The following PRKG1 variants were observed in gnomAD, a reference collection of about 807,000 sequenced individuals.
PRKG1 encodes the protein protein kinase cGMP-dependent 1.
A neutral mutation model predicts 88.1 loss-of-function variants in PRKG1; 35 were observed. The observed-to-expected ratio is 0.40, with a 90% CI of 0.30 to 0.53. PRKG1 has a LOEUF of 0.53. Ranked by LOEUF, PRKG1 falls within the 20% of genes least tolerant of loss-of-function variation. The pLI is 0.59. For synonymous variants in PRKG1, 303 were observed against 292.5 expected, an observed-to-expected ratio of 1.04 and a Z score of -0.37; for missense variants, 540 against 839.8, an observed-to-expected ratio of 0.64 and a Z score of 4.41.
intron 9 of PRKG1, among the ~76,000 whole-genome samples, chr10:52,168,318 A>G (rs542772773): frequency 2.6e-5 from 4 of 152,308 alleles, no homozygotes; most frequent in East Asian, 3.9e-4. Flanking sequence ...GCAAGGAGGT[A>G]TGGAGAGCAT....
intron 4 of PRKG1, among the ~76,000 whole-genome samples, chr10:51,893,229 C>T (rs945979084): frequency 2.6e-5 from 4 of 151,974 alleles, no homozygotes; most frequent in African/African-American, 9.7e-5. Flanking sequence ...GCTGTAACAG[C>T]CTTTTATAAG....
intron 9 of PRKG1, among the ~76,000 whole-genome samples, chr10:52,204,903 C>T (rs1839776128): frequency 6.6e-6 from 1 of 152,110 alleles, no homozygotes; most frequent in African/African-American, 2.4e-5. Flanking sequence ...CCATATTTCT[C>T]TTATTACCGA....
At chr10:51,160,743 T>G (rs374322329) in intron 2 of PRKG1, among the ~76,000 whole-genome samples, 1 of 152,228 alleles carries the variant, frequency 6.6e-6, no homozygotes, top group African/African-American at 2.4e-5. Flanking sequence ...CCTTTTTTAC[T>G]GTTGGGGGGA....
At chr10:51,901,629 T>C (rs1181219317) in intron 4 of PRKG1, among the ~76,000 whole-genome samples, 1 of 152,240 alleles carries the variant, frequency 6.6e-6, no homozygotes, top group African/African-American at 2.4e-5. Context: ...TGAAAAGCTA[T>C]ACAGAACACT....
At chr10:52,078,265 A>C (rs1846682606) in intron 7 of PRKG1, among the ~76,000 whole-genome samples, 1 of 152,222 alleles carries the variant, frequency 6.6e-6, no homozygotes, top group Non-Finnish European at 1.5e-5. Context: ...AGAATTGTAA[A>C]ACATGTACTT....
chr10:51,482,631 G>C (rs79856273), intron 3 of PRKG1, among the ~76,000 whole-genome samples: 15,386 of 152,144 alleles, frequency 0.1, 848 homozygotes, highest in South Asian at 0.13. Flanking sequence ...AGAGGTTTCT[G>C]TTTATATTGC....
At chr10:51,680,137 G>A (rs1840814023) in intron 3 of PRKG1, among the ~76,000 whole-genome samples, 1 of 152,118 alleles carries the variant, frequency 6.6e-6, no homozygotes, top group Non-Finnish European at 1.5e-5. Context: ...GTTAGCCGCA[G>A]GCCAATTCAC....
chr10:51,827,140 A>G (rs1839899005), intron 4 of PRKG1, among the ~76,000 whole-genome samples: 1 of 152,172 alleles, frequency 6.6e-6, no homozygotes, highest in Admixed American at 6.6e-5. Flanking sequence ...ACACAATTGT[A>G]TGTTTGTTTA....
intron 1 of PRKG1, among the ~76,000 whole-genome samples, chr10:51,013,687 G>A (rs1462730158): frequency 1.3e-5 from 2 of 152,076 alleles, no homozygotes; most frequent in African/African-American, 4.8e-5. Context: ...ACTGCGCCCG[G>A]CCCTGTAACA....
At chr10:51,614,257 T>A (rs1838986822) in intron 3 of PRKG1, among the ~76,000 whole-genome samples, 1 of 151,954 alleles carries the variant, frequency 6.6e-6, no homozygotes. Flanking sequence ...CTTCATCTAT[T>A]TTTTACTGTT....
chr10:51,923,631 A>T (rs574122039), intron 5 of PRKG1, among the ~76,000 whole-genome samples: 1 of 151,400 alleles, frequency 6.6e-6, no homozygotes, highest in Admixed American at 6.6e-5. Context: ...ACACTACATC[A>T]CTTCACAGAT....
intron 3 of PRKG1, among the ~76,000 whole-genome samples, chr10:51,637,645 A>T (rs1839691775): frequency 6.6e-6 from 1 of 152,218 alleles, no homozygotes; most frequent in African/African-American, 2.4e-5. Context: ...GGAAGCCATT[A>T]TCCTCAGCAA....
chr10:51,304,695 C>T (rs1840988382), intron 2 of PRKG1, among the ~76,000 whole-genome samples: 2 of 139,170 alleles, frequency 1.4e-5, no homozygotes, highest in African/African-American at 2.7e-5. Context: ...CATGTGTTCT[C>T]ATTGTTCAAT....
At chr10:51,712,838 C>T (rs1841793007) in intron 3 of PRKG1, among the ~76,000 whole-genome samples, 1 of 151,988 alleles carries the variant, frequency 6.6e-6, no homozygotes, top group South Asian at 2.1e-4. Flanking sequence ...ATCCACCTGC[C>T]TCGAATTATT....
At chr10:51,506,725 C>A (rs10997843) in intron 3 of PRKG1, among the ~76,000 whole-genome samples, 36,665 of 151,960 alleles carry the variant, frequency 0.24, 4,834 homozygotes, top group Admixed American at 0.32. Flanking sequence ...TAGTTCAACC[C>A]TTGTGGAAGG....
intron 1 of PRKG1, among the ~76,000 whole-genome samples, chr10:51,105,506 A>G (rs1468594731): frequency 6.6e-6 from 1 of 152,202 alleles, no homozygotes; most frequent in Non-Finnish European, 1.5e-5. Flanking sequence ...AAGAAGGTTG[A>G]GTCAAATATT....
At chr10:51,048,923 T>C (rs1161359040) in intron 1 of PRKG1, among the ~76,000 whole-genome samples, 3 of 152,048 alleles carry the variant, frequency 2.0e-5, no homozygotes, top group Non-Finnish European at 2.9e-5. Flanking sequence ...AACGCTAAGC[T>C]TGGGTGTGGT....
rs191172413 is a variant in PRKG1 at position 52,211,223 on chromosome 10, A to G, written c.1077-40347A>G. ...TTCTGCTTTACTTTCTGCCTGGGCT[A>G]CAGTCCCCACAGGAATTCATGTTGA... On this transcript the variant is annotated intron_variant, in intron 9 of 17. Transcript: ENST00000373980. 3.3e-3 allele frequency among the ~76,000 whole-genome samples: 505 copies of G among 152,106 alleles called. 2 individuals are homozygous for G. Among genetic ancestry groups the G allele is most frequent in the African/African-American group, 0.011 (470 of 41,378 alleles).
In PRKG1 at chr10:51,153,322, T is replaced by C. The variant is rs774143507; in HGVS notation, c.470T>C (p.Val157Ala). 8.7e-6 allele frequency: 14 copies of C among 1,605,790 alleles called. No individual in the cohort carries two copies. The highest frequency in any genetic ancestry group is 1.1e-5 in the Non-Finnish European group (13 of 1,175,498). ...GGAGACGTGGGGTCACTGGTGTATGTCATGGAAGGTACGGTTTGTAACTCC... is the reference window on the plus strand; with the variant it reads ...GGAGACGTGGGGTCACTGGTGTATGCCATGGAAGGTACGGTTTGTAACTCC... ...KEGDVGSLVYVMEDGKVEVTK... is the reference protein window; with the variant it reads ...KEGDVGSLVYAMEDGKVEVTK... Residue 157 changes from valine to alanine, a missense_variant, in exon 2 of 18, where the codon GTC becomes GCC. Transcript: ENST00000373980.
Sources: allele counts gnomAD v4.1 joint callset (sites outside exome capture counted in the v4.1 genomes callset), GRCh38; gene constraint gnomAD v4.1.1; transcripts MANE v1.5; gene names NCBI Gene and HGNC (gene_info 2026-07-23, HGNC 2026-07-21).